Variants in COG5 observed in about 807,000 individuals in gnomAD.
COG5 encodes component of oligomeric golgi complex 5.
A neutral mutation model predicts 110.4 loss-of-function variants in COG5; 86 were observed. The ratio of observed to expected loss-of-function variants is 0.78; its 90% CI spans 0.65 to 0.93. COG5 has a LOEUF of 0.93. Among genes scored for constraint, COG5 ranks in the 40% least tolerant of loss-of-function variants. COG5 has a pLI of 0.00. For synonymous variants in COG5, 360 were observed against 334.6 expected (o/e 1.08, Z -0.83); for missense variants, 1,077 against 987.0 (o/e 1.09, Z -1.22).
chr7:107,258,245 G>T, intron 15 of COG5, 28 bp downstream of exon 15: 1 of 1,360,794 alleles, frequency 7.3e-7, no homozygotes, highest in Non-Finnish European at 1.0e-6. Flanking sequence ...TTAAAATTAA[G>T]TAAAAAAAAA....
chr7:107,378,814 G>A (rs1217806339), intron 7 of COG5, among the ~76,000 whole-genome samples: 1 of 152,190 alleles, frequency 6.6e-6, no homozygotes, highest in African/African-American at 2.4e-5. Flanking sequence ...ACCTAAAAGT[G>A]ACAGGGAAAA....
Position 107,238,703 on chromosome 7 carries a change from G to T in COG5, c.1854-2016C>A, listed in dbSNP as rs202212139. 4.6e-5 allele frequency among the ~76,000 whole-genome samples: 7 copies of T among 152,250 alleles called. No homozygotes were observed. In the East Asian group the frequency reaches 1.3e-3, roughly 29 times the overall value. On this transcript the variant is annotated intron_variant, in intron 17 of 21. Coordinates refer to ENST00000297135, the MANE Select transcript of COG5 (RefSeq NM_006348.5). Reference sequence around the variant, plus strand: ...GATAAGTCAATTCTGACAGGTGTGAGGTGCAATCTCATTGTGGTTTTAATT... The same window carrying T: ...GATAAGTCAATTCTGACAGGTGTGATGTGCAATCTCATTGTGGTTTTAATT...
intron 13 of COG5, among the ~76,000 whole-genome samples, chr7:107,282,918 G>T (rs997903649): frequency 1.3e-5 from 2 of 152,072 alleles, no homozygotes; most frequent in Admixed American, 6.6e-5. Context: ...TCCTTAAAAC[G>T]TCCATCTCAA....
At chr7:107,471,530 G>A (rs567959616) in intron 6 of COG5, 2 of 151,862 alleles carry the variant, frequency 1.3e-5, no homozygotes, top group Non-Finnish European at 2.9e-5. Flanking sequence ...CTACATTACT[G>A]ATGGAATATA....
chr7:107,313,117 A>G (rs1808427746), intron 11 of COG5, among the ~76,000 whole-genome samples: 1 of 152,226 alleles, frequency 6.6e-6, no homozygotes, highest in African/African-American at 2.4e-5. Flanking sequence ...CACTAGGTCT[A>G]AAGTTTCATG....
rs1376899229 is a variant in COG5 at position 107,203,609 on chromosome 7, A to G, written c.2397T>C (p.Val799=). The G allele has an allele frequency of 1.2e-6, 2 of 1,613,770 alleles. No individual in the cohort carries two copies. The highest frequency in any genetic ancestry group is 1.7e-6 in the Non-Finnish European group (2 of 1,179,802). Residue 799 remains valine, a synonymous_variant, in exon 22 of 22, where the codon GTT becomes GTC. Transcript: ENST00000297135. ...LLIRGALEAY[V]QSVRSREGKE... ...TGCCTTCTCTACTTCTCACTGATTG[A>G]ACATAAGCTTCCAGGGCTCCCCTGA...
chr7:107,526,223 T>C (rs1335318014), intron 6 of COG5, among the ~76,000 whole-genome samples: 1 of 152,210 alleles, frequency 6.6e-6, no homozygotes, highest in Non-Finnish European at 1.5e-5. Context: ...TAAAGACTTC[T>C]GAGCCTACAA....
Position 107,513,841 on chromosome 7 carries a change from T to C in COG5, c.538+13396A>G, listed in dbSNP as rs1168247720. On this transcript the variant is annotated intron_variant, in intron 6 of 21. Coordinates refer to ENST00000297135, the MANE Select transcript of COG5 (RefSeq NM_006348.5). ...TATCTTCTCACTGATAGGTGGGAAC[T>C]GAACAATGAGAACACATGGACACAG... Among the ~76,000 whole-genome samples the C allele has an allele frequency of 2.0e-5, 3 of 150,274 alleles. No homozygotes were observed. In the East Asian group the frequency reaches 5.9e-4, roughly 29 times the overall value.
At chr7:107,224,688 G>C (rs566492050) in intron 19 of COG5, among the ~76,000 whole-genome samples, 1 of 152,354 alleles carries the variant, frequency 6.6e-6, no homozygotes, top group East Asian at 1.9e-4. Context: ...CTCTGGCCAG[G>C]AGAAGCTGAG....
At position 107,283,719 on chromosome 7, in the gene COG5, A is replaced by G. The variant is rs551398102; in HGVS notation, c.1327T>C (p.Leu443=). 1 of 1,614,020 alleles carries G rather than the reference A, an allele frequency of 6.2e-7. No homozygotes were observed. The highest frequency in any genetic ancestry group is 2.2e-5 in the East Asian group (1 of 44,846). Residue 443 remains leucine (L), a synonymous_variant, in exon 13 of 22, where the codon TTG becomes CTG. Transcript: ENST00000297135. ...TCATAGGGTTGTAGTGAGTCTTTCA[A>G]AGCCTTTTCTGGACTGTGGAAACAA... ...KKPDYDPEKA[L]KDSLQPYEAA...
chr7:107,362,524 T>C lies in COG5; in HGVS notation c.836-104A>G. On this transcript the variant is annotated intron_variant, in intron 8 of 21. Transcript: ENST00000297135. The stretch of plus-strand genomic sequence containing the variant: ...CATACGCAAGCTAAAAAATGAGAAG[T>C]TCCTTCTTTAGGAAATAATTTATTG... The C allele has an allele frequency of 5.5e-6, 4 of 729,310 alleles. No individual in the cohort carries two copies. The Admixed American group carries it at 9.7e-5, about 18-fold the overall frequency. The allele number at this position is 729,310 out of a possible 1,614,324, so 45.2% of individuals were successfully genotyped here.
At chr7:107,273,817 A>G (rs1447282766) in intron 14 of COG5, among the ~76,000 whole-genome samples, 2 of 152,108 alleles carry the variant, frequency 1.3e-5, no homozygotes, top group African/African-American at 4.8e-5. Context: ...ATGAAGAAAA[A>G]AAATTTTTAA....
intron 19 of COG5, among the ~76,000 whole-genome samples, chr7:107,211,552 A>C (rs1478662718): frequency 1.3e-5 from 2 of 152,246 alleles, no homozygotes; most frequent in African/African-American, 4.8e-5. Context: ...ACAAGAGTAA[A>C]GCCTTCAAGT....
At chr7:107,217,716 A>T (rs1799623750) in intron 19 of COG5, among the ~76,000 whole-genome samples, 2 of 152,142 alleles carry the variant, frequency 1.3e-5, no homozygotes, top group South Asian at 4.1e-4. Context: ...AACTCTCAAC[A>T]AATTAACGGC....
intron 6 of COG5, among the ~76,000 whole-genome samples, chr7:107,509,143 C>A (rs929361395): frequency 2.2e-4 from 34 of 151,896 alleles, no homozygotes; most frequent in Non-Finnish European, 3.5e-4. Context: ...AAGTTAAAAA[C>A]CTTGAAAAAA....
At chr7:107,520,272 C>T (rs1378358400) in intron 6 of COG5, among the ~76,000 whole-genome samples, 1 of 152,170 alleles carries the variant, frequency 6.6e-6, no homozygotes, top group Non-Finnish European at 1.5e-5. Flanking sequence ...TCCTATTCAA[C>T]ATAGCATTGG....
At chr7:107,437,654 T>C (rs1481421946) in intron 6 of COG5, among the ~76,000 whole-genome samples, 3 of 152,194 alleles carry the variant, frequency 2.0e-5, no homozygotes, top group Non-Finnish European at 4.4e-5. Flanking sequence ...CACATGTCTA[T>C]TTTTAATTTA....
intron 6 of COG5, chr7:107,472,517 A>C (rs921464954): frequency 1.3e-5 from 2 of 151,912 alleles, no homozygotes; most frequent in Non-Finnish European, 2.9e-5. Context: ...TTTCTGCTTT[A>C]TTTAATTATA....
At chr7:107,272,256 T>C (rs1804339092) in intron 14 of COG5, among the ~76,000 whole-genome samples, 1 of 152,196 alleles carries the variant, frequency 6.6e-6, no homozygotes, top group South Asian at 2.1e-4. Context: ...TATCTGATTG[T>C]CTCCTTTGGA....
Sources: allele counts gnomAD v4.1 joint callset (sites outside exome capture counted in the v4.1 genomes callset), GRCh38; gene constraint gnomAD v4.1.1; transcripts MANE v1.5; gene names NCBI Gene and HGNC (gene_info 2026-07-23, HGNC 2026-07-21).